Variants in SLC24A2 observed in about 807,000 individuals in gnomAD.
The protein encoded by SLC24A2 is solute carrier family 24 member 2.
In SLC24A2, 36 loss-of-function variants were observed where a neutral mutation model predicts 62.0. That is an observed-to-expected ratio of 0.58 (90% CI 0.44 to 0.77). The LOEUF is 0.77. Ranked by LOEUF, SLC24A2 falls within the 30% of genes least tolerant of loss-of-function variation. SLC24A2 has a pLI of 0.00. For synonymous variants in SLC24A2, 358 were observed against 294.0 expected (o/e 1.22, Z -2.23); for missense variants, 846 against 817.9 (o/e 1.03, Z -0.42).
At chr9:19,990,619 A>AC in the SLC24A2 span, among the ~76,000 whole-genome samples, 53 of 107,028 alleles carry the variant, frequency 5.0e-4, no homozygotes, top group Middle Eastern at 4.7e-3. Flanking sequence ...AAAAAAACAA[A>AC]AAAAAAAAAA....
rs976386000 is a variant in SLC24A2 at position 19,786,711 on chromosome 9, G to C, written c.156C>G (p.Val52=). ...CAGAAAAGGCACTGATTGAAAATGA[G>C]ACAGTGCTAATGGCTACCAGACCCA... is the stretch of plus-strand genomic sequence containing the variant. ...LFMGLVAIST[V]SFSISAFSET... is the part of the protein sequence containing the mutation. Residue 52 remains valine, a synonymous_variant, in exon 2 of 11, where the codon GTC becomes GTG. Transcript: ENST00000341998. This position sits in a 1 kb window ranked among gnomAD's most constrained non-coding sequence, Gnocchi z 5.0. 8.1e-6 allele frequency: 13 copies of C among 1,611,178 alleles called. No individual in the cohort carries two copies. Among genetic ancestry groups the C allele is most frequent in the Non-Finnish European group, 1.1e-5 (13 of 1,178,350 alleles).
the SLC24A2 span, among the ~76,000 whole-genome samples, chr9:20,063,587 A>G: frequency 7.9e-5 from 12 of 152,232 alleles, no homozygotes; most frequent in Non-Finnish European, 1.3e-4. Context: ...GCACATGTAT[A>G]CATATGTAAC....
the SLC24A2 span, among the ~76,000 whole-genome samples, chr9:19,925,624 A>C: frequency 1.1e-4 from 17 of 152,314 alleles, no homozygotes; most frequent in Non-Finnish European, 2.1e-4. Flanking sequence ...CAGAAAAAAA[A>C]ATTGACCAGA....
chr9:19,572,243 G>A (rs1330851041), intron 7 of SLC24A2, among the ~76,000 whole-genome samples: 1 of 122,246 alleles, frequency 8.2e-6, no homozygotes, highest in African/African-American at 3.1e-5. Flanking sequence ...CTGGGTGACA[G>A]AGTGAGAGTC....
chr9:19,946,459 C>A, the SLC24A2 span, among the ~76,000 whole-genome samples: 3 of 152,208 alleles, frequency 2.0e-5, no homozygotes, highest in Non-Finnish European at 4.4e-5. Flanking sequence ...AAGGAGAGAT[C>A]TCTGATCTGT....
At chr9:19,657,306 T>C (rs1391870708) in intron 2 of SLC24A2, among the ~76,000 whole-genome samples, 3 of 152,234 alleles carry the variant, frequency 2.0e-5, no homozygotes, top group Admixed American at 6.5e-5. Flanking sequence ...TGTTGTCTTA[T>C]TCCTTCTCCC....
At position 19,542,061 on chromosome 9, in the gene SLC24A2, G is replaced by T. The variant is rs900918840; in HGVS notation, c.1479+8076C>A. Among the ~76,000 whole-genome samples, 4 of 152,136 alleles carry T rather than the reference G, an allele frequency of 2.6e-5. 1 individual carries two copies. The highest frequency in any genetic ancestry group is 7.2e-5 in the African/African-American group (3 of 41,442). On this transcript the variant is annotated intron_variant, in intron 8 of 10. Coordinates refer to ENST00000341998, the MANE Select transcript of SLC24A2 (RefSeq NM_020344.4). ...GTGAGGCAATGCCTCGCCCTGCTTC[G>T]GCTCGCGCACGGTGCACGCACACAC...
intron 2 of SLC24A2, among the ~76,000 whole-genome samples, chr9:19,696,792 ATAAAATTAAAATGTATGGGCTTTCTT>A (rs1587169329): frequency 6.6e-6 from 1 of 152,222 alleles, no homozygotes. Flanking sequence ...GTTTTAAAAT[ATAAAATTAAAATGTATGGGCTTTCTT>A]TAAAACATTT....
chr9:19,996,346 T>C, the SLC24A2 span, among the ~76,000 whole-genome samples: 1 of 152,220 alleles, frequency 6.6e-6, no homozygotes, highest in Non-Finnish European at 1.5e-5. Flanking sequence ...AAATACCATA[T>C]TTAGTCTCTA....
At chr9:20,212,790 G>A in the SLC24A2 span, among the ~76,000 whole-genome samples, 1 of 151,138 alleles carries the variant, frequency 6.6e-6, no homozygotes, top group Non-Finnish European at 1.5e-5. Context: ...TATAAAATAT[G>A]TGTAAATATA....
At chr9:19,764,950 A>G (rs1242563474) in intron 2 of SLC24A2, among the ~76,000 whole-genome samples, 1 of 152,220 alleles carries the variant, frequency 6.6e-6, no homozygotes, top group Non-Finnish European at 1.5e-5. Flanking sequence ...TATGTCTCTA[A>G]TAACTTGCTT....
the SLC24A2 span, among the ~76,000 whole-genome samples, chr9:20,101,296 T>C: frequency 2.0e-5 from 3 of 152,250 alleles, no homozygotes; most frequent in African/African-American, 7.2e-5. Context: ...AACATTTTGC[T>C]GAGAATTGGA....
At chr9:20,010,778 G>A in the SLC24A2 span, among the ~76,000 whole-genome samples, 1 of 116,330 alleles carries the variant, frequency 8.6e-6, no homozygotes, top group Non-Finnish European at 1.7e-5. Context: ...CCCCATGACA[G>A]GCCCTGGTGT....
chr9:19,776,641 C>G (rs1001637552), intron 2 of SLC24A2, among the ~76,000 whole-genome samples: 5 of 152,110 alleles, frequency 3.3e-5, no homozygotes, highest in Non-Finnish European at 7.4e-5. Flanking sequence ...AGAGCTACCT[C>G]CCACAGCATG....
the SLC24A2 span, among the ~76,000 whole-genome samples, chr9:19,915,854 T>A: frequency 6.6e-6 from 1 of 152,034 alleles, no homozygotes. Flanking sequence ...TTTGCACAAA[T>A]TTTCTTATAT....
At chr9:19,916,349 A>G in the SLC24A2 span, among the ~76,000 whole-genome samples, 1 of 152,126 alleles carries the variant, frequency 6.6e-6, no homozygotes, top group East Asian at 1.9e-4. Flanking sequence ...GAGTCCTCCA[A>G]CTTTGTTCTT....
the SLC24A2 span, among the ~76,000 whole-genome samples, chr9:20,050,069 C>T: frequency 6.6e-6 from 1 of 152,002 alleles, no homozygotes; most frequent in East Asian, 1.9e-4. Context: ...TGAAATATAT[C>T]TGTTATCAAC....
rs190633931 is a variant in SLC24A2 at position 19,642,702 on chromosome 9, A to G, written c.931-20403T>C. ...TTTTTTTTTTTTTTTTTTTTTTGAG[A>G]CGGAGCCTCGCTCTTTCGCCCAGTC... is the stretch of plus-strand genomic sequence containing the variant. On this transcript the variant is annotated intron_variant, in intron 2 of 10. Transcript: ENST00000341998. Among the ~76,000 whole-genome samples the G allele has an allele frequency of 4.9e-4, 47 of 95,522 alleles. No individual in the cohort carries two copies. The East Asian group carries it at 0.013, about 26-fold the overall frequency. The allele number at this position is 95,522 out of a possible 152,430, so 62.7% of individuals were successfully genotyped here.
intron 4 of SLC24A2, among the ~76,000 whole-genome samples, chr9:19,616,641 A>G (rs189102750): frequency 2.7e-4 from 41 of 152,348 alleles, no homozygotes; most frequent in Non-Finnish European, 4.7e-4. Flanking sequence ...CTTCATCGCT[A>G]GTATGTACCA....
Sources: gnomAD v4.1 joint callset for allele counts (sites outside exome capture counted in the v4.1 genomes callset) on GRCh38, gnomAD v4.1.1 for gene constraint, Gnocchi (gnomAD v3.1) non-coding constraint, MANE v1.5 for transcripts, NCBI Gene and HGNC (gene_info 2026-07-23, HGNC 2026-07-21) for gene names.